Variants in SEL1L2 observed in about 807,000 individuals in gnomAD.
SEL1L2 encodes the protein protein sel-1 homolog 2.
Under a neutral mutation model 98.8 loss-of-function variants are expected in SEL1L2, and 89 were observed. The ratio of observed to expected loss-of-function variants is 0.90; its 90% CI spans 0.76 to 1.07. SEL1L2 has a LOEUF of 1.07. Ranked by LOEUF, SEL1L2 falls within the 50% of genes least tolerant of loss-of-function variation. The pLI, the probability that SEL1L2 is intolerant of heterozygous loss-of-function variation, is 0.00. For missense variants in SEL1L2, 788 were observed against 812.0 expected, an observed-to-expected ratio of 0.97 and a Z score of 0.36; for synonymous variants, 262 against 278.5, an observed-to-expected ratio of 0.94 and a Z score of 0.59.
rs2147850973 is a variant in SEL1L2 at position 13,869,585 on chromosome 20, A to G, written c.1173T>C (p.Tyr391=). Residue 391 remains tyrosine (Y), a synonymous_variant, in exon 14 of 20, where the codon TAT becomes TAC. Transcript: ENST00000284951. ...TCTGAAAGTATTTAAGTGCTTCGGC[A>G]TAATTCTGCAAGATAATTACACTCT... ...YFHGKGVPLN[Y]AEALKYFQKA... is the part of the protein sequence containing the mutation. The G allele has an allele frequency of 6.2e-7, 1 of 1,613,734 alleles. No homozygotes were observed. The highest frequency in any genetic ancestry group is 2.2e-5 in the East Asian group (1 of 44,866).
intron 18 of SEL1L2, among the ~76,000 whole-genome samples, chr20:13,854,276 T>C (rs1476457476): frequency 6.6e-6 from 1 of 152,230 alleles, no homozygotes; most frequent in Admixed American, 6.5e-5. Flanking sequence ...TTTGAAACTC[T>C]TCCCCAAAGG....
intron 19 of SEL1L2, 114 bp downstream of exon 19, chr20:13,850,077 T>A: frequency 8.2e-7 from 1 of 1,221,660 alleles, no homozygotes. Flanking sequence ...GAATTTTACT[T>A]CTCAAAGGAA....
At chr20:13,983,043 A>AAAAAAAAAAAAAAAAC (rs1390544671) in intron 1 of SEL1L2, among the ~76,000 whole-genome samples, 1 of 144,138 alleles carries the variant, frequency 6.9e-6, no homozygotes, top group Non-Finnish European at 1.5e-5. Context: ...AAAAAAAAAA[A>AAAAAAAAAAAAAAAAC]AAAAAGCAGC....
chr20:13,896,227 T>C (rs1211662921), intron 5 of SEL1L2, among the ~76,000 whole-genome samples: 1 of 151,830 alleles, frequency 6.6e-6, no homozygotes, highest in Non-Finnish European at 1.5e-5. Flanking sequence ...ATCCCAGCCC[T>C]TGGGGAGGCC....
At chr20:13,915,044 C>T in intron 4 of SEL1L2, 1 of 1,194,286 alleles carries the variant, frequency 8.4e-7, no homozygotes, top group Non-Finnish European at 1.1e-6. Flanking sequence ...TACCTGTGAC[C>T]TTGACTCAAA....
chr20:13,938,643 G>A (rs924461794), intron 2 of SEL1L2, among the ~76,000 whole-genome samples: 2 of 151,920 alleles, frequency 1.3e-5, no homozygotes, highest in South Asian at 2.1e-4. Context: ...TCCTCACATC[G>A]TATTTTCTGT....
intron 2 of SEL1L2, among the ~76,000 whole-genome samples, chr20:13,934,004 G>A (rs886993879): frequency 1.8e-4 from 26 of 147,286 alleles, no homozygotes; most frequent in African/African-American, 6.5e-4. Flanking sequence ...GGGAGAACAG[G>A]TAGGATTTTG....
intron 1 of SEL1L2, among the ~76,000 whole-genome samples, chr20:13,968,535 T>C (rs1175471240): frequency 6.6e-6 from 1 of 152,212 alleles, no homozygotes; most frequent in Non-Finnish European, 1.5e-5. Context: ...ACTGATGGTT[T>C]TTCTTGGTAC....
chr20:13,941,183 C>T (rs188499436), intron 2 of SEL1L2, among the ~76,000 whole-genome samples: 8 of 152,304 alleles, frequency 5.3e-5, no homozygotes, highest in African/African-American at 1.7e-4. Context: ...ACCAACAACT[C>T]TGGGAATGAG....
At chr20:13,946,316 C>T (rs1056821808) in intron 2 of SEL1L2, among the ~76,000 whole-genome samples, 1 of 151,936 alleles carries the variant, frequency 6.6e-6, no homozygotes, top group Non-Finnish European at 1.5e-5. Context: ...AAAATCAATA[C>T]AAAATAGTTG....
At chr20:13,980,267 G>A (rs183343627) in intron 1 of SEL1L2, among the ~76,000 whole-genome samples, 1 of 152,240 alleles carries the variant, frequency 6.6e-6, no homozygotes, top group African/African-American at 2.4e-5. Flanking sequence ...CCAGGCTGGA[G>A]TGCAGTGGCG....
At chr20:13,872,900 A>C (rs943067018) in intron 12 of SEL1L2, among the ~76,000 whole-genome samples, 1 of 152,140 alleles carries the variant, frequency 6.6e-6, no homozygotes, top group African/African-American at 2.4e-5. Flanking sequence ...CCCTGTGTGA[A>C]GGCAGCAGCA....
chr20:13,944,020 C>T (rs1163633314), intron 2 of SEL1L2, among the ~76,000 whole-genome samples: 1 of 152,070 alleles, frequency 6.6e-6, no homozygotes, highest in African/African-American at 2.4e-5. Flanking sequence ...CCAGAAATGG[C>T]AGCTCGGTTT....
chr20:13,892,365 G>C (rs532121335), intron 5 of SEL1L2, among the ~76,000 whole-genome samples: 203 of 151,908 alleles, frequency 1.3e-3, no homozygotes, highest in African/African-American at 4.5e-3. Context: ...CAGGAGAATT[G>C]CTTGAACCTG....
chr20:13,985,207 C>G (rs1270813901), intron 1 of SEL1L2, among the ~76,000 whole-genome samples: 1 of 152,124 alleles, frequency 6.6e-6, no homozygotes, highest in African/African-American at 2.4e-5. Flanking sequence ...AATGACTACC[C>G]ATTGCTCCCA....
At chr20:13,851,800 T>G (rs372848645) in intron 18 of SEL1L2, among the ~76,000 whole-genome samples, 26 of 152,210 alleles carry the variant, frequency 1.7e-4, no homozygotes, top group African/African-American at 6.3e-4. Context: ...TCTTGCTCCA[T>G]TACTTAGGCT....
At chr20:13,872,864 G>A (rs919053982) in intron 12 of SEL1L2, among the ~76,000 whole-genome samples, 19 of 152,178 alleles carry the variant, frequency 1.2e-4, no homozygotes, top group African/African-American at 4.1e-4. Flanking sequence ...AGACAGTGGT[G>A]CAGATGGAGA....
chr20:13,869,890 G>A (rs1447112506), intron 13 of SEL1L2, among the ~76,000 whole-genome samples: 1 of 152,104 alleles, frequency 6.6e-6, no homozygotes, highest in Non-Finnish European at 1.5e-5. Flanking sequence ...GTCCTCAGAG[G>A]ATAGATGATT....
intron 5 of SEL1L2, among the ~76,000 whole-genome samples, chr20:13,898,854 T>C (rs1052225484): frequency 3.3e-5 from 5 of 152,158 alleles, no homozygotes; most frequent in African/African-American, 1.2e-4. Context: ...GAGATTCTCC[T>C]GCCTCACCCT....
Sources: gnomAD v4.1 joint callset for allele counts (sites outside exome capture counted in the v4.1 genomes callset) on GRCh38, gnomAD v4.1.1 for gene constraint, MANE v1.5 for transcripts, NCBI Gene and HGNC (gene_info 2026-07-23, HGNC 2026-07-21) for gene names.